Variants in CNTNAP2 observed in about 807,000 individuals in gnomAD.
CNTNAP2 encodes contactin-associated protein-like 2.
In CNTNAP2, 98 loss-of-function variants were observed where a neutral mutation model predicts 155.2. That is an observed-to-expected ratio of 0.63 (90% CI 0.54 to 0.75). The LOEUF (loss-of-function observed/expected upper bound fraction) is 0.75, where lower values mean the gene tolerates loss of function less well. CNTNAP2 is among the 30% of genes least tolerant of loss of function. The pLI, the probability that CNTNAP2 is intolerant of heterozygous loss-of-function variation, is 0.00. For synonymous variants in CNTNAP2, 651 were observed against 631.2 expected (o/e 1.03, Z -0.47); for missense variants, 1,727 against 1,688.1 (o/e 1.02, Z -0.40).
At chr7:146,123,114 G>A (rs1584759864) in intron 1 of CNTNAP2, among the ~76,000 whole-genome samples, 1 of 152,274 alleles carries the variant, frequency 6.6e-6, no homozygotes, top group African/African-American at 2.4e-5. Flanking sequence ...ATATAAAGAT[G>A]TGGTTGTTGG....
intron 1 of CNTNAP2, among the ~76,000 whole-genome samples, chr7:146,511,106 G>A (rs554035482): frequency 1.6e-3 from 238 of 152,164 alleles, no homozygotes; most frequent in South Asian, 3.1e-3. Flanking sequence ...CACCATGTTA[G>A]CCAGGAAGGT....
At chr7:146,376,871 C>T (rs1434586478) in intron 1 of CNTNAP2, among the ~76,000 whole-genome samples, 1 of 152,196 alleles carries the variant, frequency 6.6e-6, no homozygotes, top group East Asian at 1.9e-4. Context: ...TCTGCCTTTT[C>T]CACCATGTCA....
chr7:146,179,616 T>G (rs1327504718), intron 1 of CNTNAP2, among the ~76,000 whole-genome samples: 3 of 152,122 alleles, frequency 2.0e-5, no homozygotes, highest in Non-Finnish European at 2.9e-5. Flanking sequence ...GATCCTAAGA[T>G]CCAAACTCTT....
chr7:147,011,053 T>C (rs943539819), intron 3 of CNTNAP2, among the ~76,000 whole-genome samples: 37 of 152,080 alleles, frequency 2.4e-4, no homozygotes, highest in African/African-American at 8.7e-4. Context: ...ACCCTGAATT[T>C]CATCCTGAGG....
chr7:146,817,680 G>A (rs1803200030), intron 2 of CNTNAP2, among the ~76,000 whole-genome samples: 1 of 151,956 alleles, frequency 6.6e-6, no homozygotes. Context: ...AGGGCAGGGA[G>A]ATGCTACTCA....
intron 1 of CNTNAP2, among the ~76,000 whole-genome samples, chr7:146,442,909 T>C (rs982791772): frequency 6.6e-6 from 1 of 151,966 alleles, no homozygotes; most frequent in Non-Finnish European, 1.5e-5. Context: ...TCGTTTTCAT[T>C]AAAAATAAAA....
At chr7:146,308,046 C>T (rs1264876596) in intron 1 of CNTNAP2, among the ~76,000 whole-genome samples, 1 of 152,120 alleles carries the variant, frequency 6.6e-6, no homozygotes, top group Admixed American at 6.5e-5. Flanking sequence ...AGGCAACCTA[C>T]AGAATGAGAG....
chr7:146,699,088 C>T (rs1181644160), intron 1 of CNTNAP2, among the ~76,000 whole-genome samples: 2 of 152,048 alleles, frequency 1.3e-5, no homozygotes, highest in African/African-American at 4.8e-5. Flanking sequence ...ATTCCCAGTT[C>T]AATAATTGCA....
At chr7:147,905,609 G>A (rs894358894) in intron 14 of CNTNAP2, among the ~76,000 whole-genome samples, 19 of 152,238 alleles carry the variant, frequency 1.2e-4, no homozygotes, top group Non-Finnish European at 2.6e-4. Context: ...GTGGCGGGGC[G>A]TAGTGGCTCA....
At chr7:148,312,150 G>A (rs1797606766) in intron 21 of CNTNAP2, among the ~76,000 whole-genome samples, 1 of 152,164 alleles carries the variant, frequency 6.6e-6, no homozygotes, top group Non-Finnish European at 1.5e-5. Context: ...AGACATGAGG[G>A]CTAGGCTAAA....
intron 2 of CNTNAP2, among the ~76,000 whole-genome samples, chr7:146,830,684 A>G (rs986613100): frequency 6.6e-6 from 1 of 152,182 alleles, no homozygotes; most frequent in African/African-American, 2.4e-5. Context: ...TGATGTTAAA[A>G]CAAACTGTAC....
intron 1 of CNTNAP2, among the ~76,000 whole-genome samples, chr7:146,506,750 G>A (rs1797390600): frequency 6.6e-6 from 1 of 152,302 alleles, no homozygotes; most frequent in African/African-American, 2.4e-5. Flanking sequence ...CCTCCTTAGT[G>A]ATCACCATCC....
intron 1 of CNTNAP2, among the ~76,000 whole-genome samples, chr7:146,684,178 G>A (rs1208555468): frequency 6.6e-6 from 1 of 152,082 alleles, no homozygotes; most frequent in Admixed American, 6.5e-5. Context: ...TGGACCTGTT[G>A]CCCCATGATT....
At chr7:146,804,512 T>A (rs920136411) in intron 2 of CNTNAP2, among the ~76,000 whole-genome samples, 1 of 152,134 alleles carries the variant, frequency 6.6e-6, no homozygotes, top group Non-Finnish European at 1.5e-5. Flanking sequence ...AATGGAAAAC[T>A]AACATAGCAA....
intron 1 of CNTNAP2, among the ~76,000 whole-genome samples, chr7:146,715,101 C>A (rs903785253): frequency 1.3e-5 from 2 of 152,168 alleles, no homozygotes; most frequent in African/African-American, 2.4e-5. Context: ...GAGACTGAGG[C>A]GGGCAGTTCA....
intron 18 of CNTNAP2, among the ~76,000 whole-genome samples, chr7:148,182,608 A>G (rs1795057342): frequency 6.6e-6 from 1 of 152,244 alleles, no homozygotes; most frequent in South Asian, 2.1e-4. Flanking sequence ...TTTATAGATC[A>G]ACCTGGCTTT....
chr7:147,801,393 G>GGAC lies in CNTNAP2; in HGVS notation c.2099-102171_2099-102169dup, dbSNP rs200603949. Among the ~76,000 whole-genome samples, 878 of 150,086 alleles carry GGAC rather than the reference G, an allele frequency of 5.8e-3. 11 individuals carry two copies. The highest frequency in any genetic ancestry group is 0.036 in the Admixed American group (533 of 14,980). On this transcript the variant is annotated intron_variant, in intron 13 of 23. Transcript: ENST00000361727. ...CAGAGGGGGATTTGGCAGGGTCATAGGACAATAGTGGAGGGAAGGTCGGCA... is the reference window on the plus strand; with the variant it reads ...CAGAGGGGGATTTGGCAGGGTCATAGGACGACAATAGTGGAGGGAAGGTCGGCA...
intron 8 of CNTNAP2, among the ~76,000 whole-genome samples, chr7:147,217,344 T>C (rs1468525832): frequency 6.6e-6 from 1 of 151,976 alleles, no homozygotes; most frequent in East Asian, 1.9e-4. Flanking sequence ...AGGTTACTGA[T>C]TGTTTTTATC....
intron 3 of CNTNAP2, among the ~76,000 whole-genome samples, chr7:146,855,275 A>G (rs765189089): frequency 2.6e-5 from 4 of 152,138 alleles, no homozygotes; most frequent in Non-Finnish European, 5.9e-5. Context: ...GGGATTGGCA[A>G]TACCCAGCAG....
Sources: allele counts gnomAD v4.1 joint callset (sites outside exome capture counted in the v4.1 genomes callset), GRCh38; gene constraint gnomAD v4.1.1; transcripts MANE v1.5; gene names NCBI Gene and HGNC (gene_info 2026-07-23, HGNC 2026-07-21).